Variants in SCN11A observed in about 807,000 individuals in gnomAD.
SCN11A encodes sodium voltage-gated channel alpha subunit 11.
In SCN11A, 122 loss-of-function variants were observed where a neutral mutation model predicts 162.2. The observed-to-expected ratio is 0.75, with a 90% CI of 0.65 to 0.87. The LOEUF is 0.87. Among genes scored for constraint, SCN11A ranks in the 40% least tolerant of loss-of-function variants. SCN11A has a pLI of 0.00. For synonymous variants in SCN11A, 758 were observed against 751.5 expected (o/e 1.01, Z -0.14); for missense variants, 2,015 against 2,181.6 (o/e 0.92, Z 1.52).
chr3:39,039,218 A>T (rs753953621), intron 1 of SCN11A, among the ~76,000 whole-genome samples: 58 of 152,332 alleles, frequency 3.8e-4, no homozygotes, highest in Admixed American at 2.3e-3. Context: ...TTTCTTTAGA[A>T]ACAAACCTCT....
At chr3:38,990,974 T>C (rs770905128) in intron 2 of SCN11A, among the ~76,000 whole-genome samples, 5 of 152,068 alleles carry the variant, frequency 3.3e-5, no homozygotes, top group Non-Finnish European at 7.4e-5. Context: ...TGCTCCCCAT[T>C]CAGTGGCCAA....
intron 2 of SCN11A, among the ~76,000 whole-genome samples, chr3:39,009,362 C>G (rs78505791): frequency 6.6e-6 from 1 of 151,110 alleles, no homozygotes; most frequent in Non-Finnish European, 1.5e-5. Flanking sequence ...GCTCTTTGGT[C>G]GTCTGATCCT....
At chr3:38,928,890 A>C (rs535593658) in intron 7 of SCN11A, among the ~76,000 whole-genome samples, 163 of 152,306 alleles carry the variant, frequency 1.1e-3, no homozygotes, top group African/African-American at 3.2e-3. Flanking sequence ...CTCCTCAAAA[A>C]TTAAAAATAG....
intron 2 of SCN11A, among the ~76,000 whole-genome samples, chr3:38,963,404 A>C (rs1377631687): frequency 1.6e-5 from 1 of 63,936 alleles, no homozygotes; most frequent in Non-Finnish European, 2.6e-5. Flanking sequence ...ATATATATAT[A>C]TATATATATA....
In SCN11A at chr3:38,846,982, G is replaced by A; in HGVS notation, c.5088C>T (p.Gly1696=). The change falls in exon 30 of 30, where the codon GGC becomes GGT. Residue 1696 remains glycine, a synonymous_variant. Coordinates refer to ENST00000302328, the MANE Select transcript of SCN11A (RefSeq NM_001349253.2). The part of the protein sequence containing the change: ...LFAFTARVLG[G]SDGLDSMKAM... ...CTTTCATACTATCTAGGCCATCAGAGCCACCGAGTACCCTAGCGGTGAAGG... is the reference window on the plus strand; with the variant it reads ...CTTTCATACTATCTAGGCCATCAGAACCACCGAGTACCCTAGCGGTGAAGG... 6.2e-7 allele frequency: 1 copy of A among 1,614,082 alleles called. No homozygotes were observed. Among genetic ancestry groups the A allele is most frequent in the South Asian group, 1.1e-5 (1 of 91,060 alleles).
chr3:38,944,449 C>T (rs1412532514), intron 7 of SCN11A, among the ~76,000 whole-genome samples: 2 of 151,724 alleles, frequency 1.3e-5, no homozygotes, highest in Non-Finnish European at 2.9e-5. Context: ...GCCTCAGCCT[C>T]CCGAGTAGCT....
At chr3:39,019,259 T>C (rs1229400309) in intron 2 of SCN11A, among the ~76,000 whole-genome samples, 1 of 152,148 alleles carries the variant, frequency 6.6e-6, no homozygotes, top group Non-Finnish European at 1.5e-5. Flanking sequence ...TGGATGGCTG[T>C]ACCTGGACCC....
At chr3:38,946,238 C>T (rs927678663) in intron 6 of SCN11A, among the ~76,000 whole-genome samples, 1 of 152,144 alleles carries the variant, frequency 6.6e-6, no homozygotes, top group African/African-American at 2.4e-5. Context: ...AGCTTACATG[C>T]CCCCTCCAAA....
intron 2 of SCN11A, among the ~76,000 whole-genome samples, chr3:38,994,156 A>T (rs1443383919): frequency 6.6e-6 from 1 of 152,228 alleles, no homozygotes; most frequent in African/African-American, 2.4e-5. Flanking sequence ...GAATCAAACT[A>T]GACACAAGAT....
chr3:38,894,996 A>G (rs1460793126), intron 18 of SCN11A, 32 bp from the exon 19 acceptor site: 2 of 1,543,972 alleles, frequency 1.3e-6, no homozygotes, highest in Non-Finnish European at 8.7e-7. Context: ...AGAAGAAAGG[A>G]AAGTTTAGCA....
intron 13 of SCN11A, 102 bp downstream of exon 13, chr3:38,908,895 G>T: frequency 1.1e-6 from 1 of 947,974 alleles, no homozygotes; most frequent in Non-Finnish European, 1.7e-6. Context: ...AAAGCACTGA[G>T]ACCAGGCCAA....
intron 7 of SCN11A, among the ~76,000 whole-genome samples, chr3:38,933,640 T>C (rs1301691296): frequency 1.3e-5 from 2 of 151,946 alleles, no homozygotes; most frequent in African/African-American, 4.8e-5. Context: ...GAAGATGAAA[T>C]GAATGAAATG....
At chr3:39,026,247 T>C (rs907681967) in intron 2 of SCN11A, among the ~76,000 whole-genome samples, 2 of 152,244 alleles carry the variant, frequency 1.3e-5, no homozygotes, top group African/African-American at 2.4e-5. Context: ...TATTTATCTT[T>C]AAAATAATCC....
intron 29 of SCN11A, 88 bp downstream of exon 29, chr3:38,850,393 G>A (rs749724732): frequency 8.2e-7 from 1 of 1,219,366 alleles, no homozygotes; most frequent in Non-Finnish European, 1.2e-6. Context: ...TCTGCTTTGT[G>A]GATAGTTTGA....
intron 2 of SCN11A, among the ~76,000 whole-genome samples, chr3:39,001,957 A>G (rs995094668): frequency 6.6e-6 from 1 of 152,188 alleles, no homozygotes; most frequent in African/African-American, 2.4e-5. Flanking sequence ...GAATGGCGTG[A>G]ACCCGGGAGG....
chr3:38,954,962 T>C (rs1426040175), intron 3 of SCN11A, among the ~76,000 whole-genome samples: 2 of 152,248 alleles, frequency 1.3e-5, no homozygotes, highest in African/African-American at 4.8e-5. Flanking sequence ...CCCTCCAGCC[T>C]GGGTAACCCA....
chr3:39,006,125 T>G (rs2125600584), intron 2 of SCN11A, among the ~76,000 whole-genome samples: 1 of 152,366 alleles, frequency 6.6e-6, no homozygotes, highest in East Asian at 1.9e-4. Context: ...AATCTGATTA[T>G]CATTCCTTAT....
intron 7 of SCN11A, among the ~76,000 whole-genome samples, chr3:38,929,124 G>T (rs2066192828): frequency 1.4e-5 from 1 of 69,070 alleles, no homozygotes; most frequent in African/African-American, 6.3e-5. Flanking sequence ...AAAAATACTG[G>T]GTCTGTGCAC....
chr3:38,855,026 G>A (rs1287733991), intron 28 of SCN11A, among the ~76,000 whole-genome samples: 2 of 152,226 alleles, frequency 1.3e-5, no homozygotes, highest in Non-Finnish European at 2.9e-5. Context: ...GGGAGTTGCT[G>A]CAGATACGAG....
Sources: gnomAD v4.1 joint callset for allele counts (sites outside exome capture counted in the v4.1 genomes callset) on GRCh38, gnomAD v4.1.1 for gene constraint, MANE v1.5 for transcripts, NCBI Gene and HGNC (gene_info 2026-07-23, HGNC 2026-07-21) for gene names.